The following NAT1 variants were observed in gnomAD, a reference collection of about 807,000 sequenced individuals.
NAT1 encodes arylamine N-acetyltransferase 1.
For missense variants in NAT1, 400 were observed against 339.2 expected (o/e 1.18, Z -1.41); for synonymous variants, 144 against 122.6 (o/e 1.17, Z -1.16).
intron 2 of NAT1, among the ~76,000 whole-genome samples, chr8:18,177,705 G>T (rs1802341808): frequency 6.6e-6 from 1 of 152,058 alleles, no homozygotes; most frequent in African/African-American, 2.4e-5. Flanking sequence ...TTTCAGATTT[G>T]CTCATCATTT....
chr8:18,171,933 T>A (rs890260717), intron 2 of NAT1, among the ~76,000 whole-genome samples: 2 of 152,236 alleles, frequency 1.3e-5, no homozygotes, highest in Non-Finnish European at 2.9e-5. Context: ...TTTTCTTGCA[T>A]GTTCCACATG....
At chr8:18,210,297 G>C (rs150783806) in intron 1 of NAT1, 117 bp downstream of exon 1, 9 of 152,312 alleles carry the variant, frequency 5.9e-5, no homozygotes, top group African/African-American at 2.2e-4. Context: ...TGCTCAGAAA[G>C]TGTGGCTGGC....
intron 2 of NAT1, among the ~76,000 whole-genome samples, chr8:18,184,440 C>A (rs930750879): frequency 6.6e-6 from 1 of 152,156 alleles, no homozygotes; most frequent in South Asian, 2.1e-4. Flanking sequence ...CCTTGAAGAC[C>A]TCCAAAATGC....
At chr8:18,201,907 T>G (rs1466038566) in intron 2 of NAT1, among the ~76,000 whole-genome samples, 3 of 152,222 alleles carry the variant, frequency 2.0e-5, no homozygotes, top group Non-Finnish European at 4.4e-5. Flanking sequence ...GACTCCACCT[T>G]GAAGTCAGTA....
intron 2 of NAT1, among the ~76,000 whole-genome samples, chr8:18,176,009 T>A (rs1171158314): frequency 6.6e-6 from 1 of 152,186 alleles, no homozygotes; most frequent in African/African-American, 2.4e-5. Context: ...TTCTGTTATT[T>A]TGAGAAATGC....
chr8:18,206,369 C>A (rs971955631), upstream of NAT1, among the ~76,000 whole-genome samples: 11 of 152,156 alleles, frequency 7.2e-5, no homozygotes, highest in African/African-American at 2.7e-4. Flanking sequence ...CATCTCGGTC[C>A]CTTGGTGGCA....
In NAT1 at chr8:18,222,130, T is replaced by G. The variant is rs1805367381; in HGVS notation, c.83T>G (p.Leu28Arg). ...KLDLETLTDI[L>R]QHQIRAVPFE... ...GACTTGGAAACATTAACTGACATTCTTCAACACCAGATCCGAGCTGTTCCC... is the reference window on the plus strand; with the variant it reads ...GACTTGGAAACATTAACTGACATTCGTCAACACCAGATCCGAGCTGTTCCC... The change falls in exon 3 of 3, where the codon CTT becomes CGT. Residue 28 changes from leucine to arginine, a missense_variant. Leu to Arg is a moderately radical substitution (Grantham distance 102, BLOSUM62 -2). Transcript: ENST00000307719. The G allele has an allele frequency of 6.2e-7, 1 of 1,614,146 alleles. No homozygotes were observed. The highest frequency in any genetic ancestry group is 8.5e-7 in the Non-Finnish European group (1 of 1,179,990).
chr8:18,186,137 T>C (rs1802723480), intron 2 of NAT1, among the ~76,000 whole-genome samples: 2 of 151,662 alleles, frequency 1.3e-5, no homozygotes. Flanking sequence ...TTGTTAGCCA[T>C]GTTTTAAAAA....
intron 1 of NAT1, among the ~76,000 whole-genome samples, chr8:18,218,033 G>C (rs1804877278): frequency 6.6e-6 from 1 of 152,192 alleles, no homozygotes; most frequent in Non-Finnish European, 1.5e-5. Context: ...AGTGGGAGGA[G>C]ACATCCTTGA....
upstream of NAT1, among the ~76,000 whole-genome samples, chr8:18,207,949 G>T (rs565754327): frequency 3.3e-5 from 5 of 152,206 alleles, no homozygotes; most frequent in Non-Finnish European, 7.3e-5. Flanking sequence ...AAAGGAATCA[G>T]ATCATGTCCT....
chr8:18,202,510 A>G (rs1437384565), intron 2 of NAT1, among the ~76,000 whole-genome samples: 3 of 152,204 alleles, frequency 2.0e-5, no homozygotes, highest in African/African-American at 7.2e-5. Context: ...CAGCTATTAA[A>G]GATGGTGTGT....
At chr8:18,197,711 C>T (rs78928671) in intron 2 of NAT1, among the ~76,000 whole-genome samples, 1 of 152,078 alleles carries the variant, frequency 6.6e-6, no homozygotes, top group African/African-American at 2.4e-5. Flanking sequence ...TCATTTTATT[C>T]AGGGAAGGGC....
chr8:18,181,477 C>T (rs7841725), intron 2 of NAT1, among the ~76,000 whole-genome samples: 81,592 of 151,948 alleles, frequency 0.54, 22,756 homozygotes, highest in African/African-American at 0.7. Flanking sequence ...GGAGTCCTTA[C>T]GTTTTTCTAA....
chr8:18,172,935 G>T (rs1302131025), intron 2 of NAT1, among the ~76,000 whole-genome samples: 2 of 152,098 alleles, frequency 1.3e-5, no homozygotes, highest in Admixed American at 6.6e-5. Flanking sequence ...TCTGAGCAGT[G>T]CCCCTGTAGA....
At position 18,192,782 on chromosome 8, in the gene NAT1, T is replaced by C. The variant is rs377336737; in HGVS notation, n.93-16999T>C. Among the ~76,000 whole-genome samples the C allele has an allele frequency of 3.3e-5, 5 of 151,794 alleles. No individual in the cohort carries two copies. The East Asian group carries it at 5.8e-4, about 18-fold the overall frequency. ...GCATGTTCTCACCCATAGATGGGAA[T>C]TGAACAACGAGAACACATGGACACA... On this transcript the variant is annotated intron_variant and non_coding_transcript_variant, in intron 2 of 4. Transcript: ENST00000517441.
chr8:18,171,017 G>C (rs1010024127), intron 2 of NAT1, among the ~76,000 whole-genome samples: 5 of 152,082 alleles, frequency 3.3e-5, no homozygotes, highest in Admixed American at 1.3e-4. Flanking sequence ...CAGTTAACTA[G>C]ATTGGATCCA....
At chr8:18,203,675 C>G (rs1468619151) in intron 2 of NAT1, among the ~76,000 whole-genome samples, 1 of 152,154 alleles carries the variant, frequency 6.6e-6, no homozygotes, top group African/African-American at 2.4e-5. Context: ...ATTGTGAGCT[C>G]TATAATTGGT....
Position 18,223,073 on chromosome 8 carries a change from A to T in NAT1, c.*153A>T. The T allele has an allele frequency of 2.5e-6, 1 of 394,734 alleles. No individual in the cohort carries two copies. The highest frequency in any genetic ancestry group is 4.3e-6 in the Non-Finnish European group (1 of 230,604). 24.5% of individuals were successfully genotyped at this position (394,734 alleles called of 1,614,324 possible). On this transcript the variant is annotated 3_prime_UTR_variant, in exon 3 of 3. Transcript: ENST00000307719. ...TATAAAAATGTCATCATATATAATT[A>T]AACAGCTTTTTAAAGAAACATAACC... is the stretch of plus-strand genomic sequence containing the variant.
At chr8:18,193,015 A>G (rs1035143470) in intron 2 of NAT1, among the ~76,000 whole-genome samples, 1 of 149,516 alleles carries the variant, frequency 6.7e-6, no homozygotes, top group African/African-American at 2.5e-5. Context: ...AAATAAAATA[A>G]ACAACAACAA....
Sources: gnomAD v4.1 joint callset for allele counts (sites outside exome capture counted in the v4.1 genomes callset) on GRCh38, gnomAD v4.1.1 for gene constraint, MANE v1.5 for transcripts, NCBI Gene and HGNC (gene_info 2026-07-23, HGNC 2026-07-21) for gene names.